Variants in PCDH15 observed in about 807,000 individuals in gnomAD.
PCDH15 encodes protocadherin-15.
Under a neutral mutation model 178.5 loss-of-function variants are expected in PCDH15, and 129 were observed. The observed-to-expected ratio is 0.72, with a 90% confidence interval of 0.63 to 0.84. PCDH15 has a LOEUF of 0.84. PCDH15 is among the 40% of genes least tolerant of loss of function. PCDH15 has a pLI of 0.00. For synonymous variants in PCDH15, 800 were observed against 732.0 expected, an observed-to-expected ratio of 1.09 and a Z score of -1.50; for missense variants, 2,230 against 2,099.9, an observed-to-expected ratio of 1.06 and a Z score of -1.21.
intron 1 of PCDH15, among the ~76,000 whole-genome samples, chr10:55,182,028 T>A (rs1839664474): frequency 6.6e-6 from 1 of 152,076 alleles, no homozygotes; most frequent in East Asian, 1.9e-4. Flanking sequence ...GGTTTCAACA[T>A]GATGAACCGT....
At chr10:55,049,859 T>C (rs970665254) in intron 2 of PCDH15, among the ~76,000 whole-genome samples, 4 of 152,074 alleles carry the variant, frequency 2.6e-5, no homozygotes, top group African/African-American at 9.6e-5. Flanking sequence ...TCTGCTGACA[T>C]GCTTACATTC....
At chr10:55,250,313 T>C (rs535596572) in intron 1 of PCDH15, among the ~76,000 whole-genome samples, 1 of 151,864 alleles carries the variant, frequency 6.6e-6, no homozygotes, top group East Asian at 2.0e-4. Flanking sequence ...CTGGATAATT[T>C]ATTTATTATT....
At chr10:54,353,889 T>G (rs1944547032) in intron 5 of PCDH15, among the ~76,000 whole-genome samples, 1 of 152,194 alleles carries the variant, frequency 6.6e-6, no homozygotes, top group Non-Finnish European at 1.5e-5. Context: ...GAATTATTAC[T>G]GTTACAGAGA....
intron 2 of PCDH15, among the ~76,000 whole-genome samples, chr10:55,002,370 T>C (rs1591829307): frequency 6.6e-6 from 1 of 152,268 alleles, no homozygotes; most frequent in Non-Finnish European, 1.5e-5. Flanking sequence ...CATTTTTTAA[T>C]GATGAGGAAA....
chr10:54,335,275 G>A (rs1480847518), intron 6 of PCDH15, among the ~76,000 whole-genome samples: 1 of 152,174 alleles, frequency 6.6e-6, no homozygotes, highest in Non-Finnish European at 1.5e-5. Context: ...CTGGCTGACA[G>A]ACAAAATGGA....
intron 8 of PCDH15, among the ~76,000 whole-genome samples, chr10:54,256,263 TAAAA>T (rs374490947): frequency 6.6e-6 from 1 of 151,586 alleles, no homozygotes; most frequent in African/African-American, 2.4e-5. Flanking sequence ...GCAGAAAAGA[TAAAA>T]AAAAGCATTT....
At chr10:54,052,530 G>A (rs1309122033) in intron 18 of PCDH15, among the ~76,000 whole-genome samples, 2 of 152,160 alleles carry the variant, frequency 1.3e-5, no homozygotes, top group Non-Finnish European at 2.9e-5. Flanking sequence ...GAATGCATGT[G>A]TTTATCCTAC....
chr10:54,080,624 C>T (rs2094423189), intron 16 of PCDH15, among the ~76,000 whole-genome samples: 1 of 152,030 alleles, frequency 6.6e-6, no homozygotes, highest in African/African-American at 2.4e-5. Flanking sequence ...AGAGTCAAAG[C>T]CGATGAATCA....
At chr10:54,332,816 G>C (rs1194354767) in intron 6 of PCDH15, among the ~76,000 whole-genome samples, 1 of 152,030 alleles carries the variant, frequency 6.6e-6, no homozygotes, top group Admixed American at 6.6e-5. Context: ...AAAAATAATA[G>C]TTATTAGTGA....
chr10:54,701,616 C>T (rs2095309719), intron 1 of PCDH15, among the ~76,000 whole-genome samples: 1 of 151,906 alleles, frequency 6.6e-6, no homozygotes. Flanking sequence ...AAAAATCAAT[C>T]AGACAAACAG....
At chr10:54,028,513 C>T (rs1049055669) in intron 18 of PCDH15, among the ~76,000 whole-genome samples, 7 of 151,890 alleles carry the variant, frequency 4.6e-5, no homozygotes, top group Non-Finnish European at 7.4e-5. Context: ...GCATTATTCA[C>T]GATAGCAAAG....
At chr10:54,006,620 C>G (rs972981966) in intron 20 of PCDH15, among the ~76,000 whole-genome samples, 2 of 152,252 alleles carry the variant, frequency 1.3e-5, no homozygotes, top group South Asian at 4.1e-4. Context: ...ATCAGTAGCA[C>G]GTAACTGCCT....
At position 54,092,548 on chromosome 10, in the gene PCDH15, C is replaced by A. The variant is rs2094616942; in HGVS notation, c.1918-2485G>T. 2.0e-5 allele frequency among the ~76,000 whole-genome samples: 3 copies of A among 151,848 alleles called. No individual in the cohort carries two copies. The South Asian group carries it at 6.2e-4, about 32-fold the overall frequency. ...AGGGTAAAATATTTTTGAAACATCC[C>A]ATGTTAGTCAAAATCCAAAATTTTA... On this transcript the variant is annotated intron_variant, in intron 15 of 37. Coordinates refer to ENST00000644397, the MANE Select transcript of PCDH15 (RefSeq NM_001384140.1).
intron 2 of PCDH15, among the ~76,000 whole-genome samples, chr10:55,576,962 G>A (rs1842508337): frequency 1.3e-5 from 2 of 152,144 alleles, no homozygotes; most frequent in South Asian, 2.1e-4. Flanking sequence ...AGTGTTTTGA[G>A]GCCAGGCATG....
intron 9 of PCDH15, among the ~76,000 whole-genome samples, chr10:54,220,738 T>C (rs2052690122): frequency 1.3e-5 from 2 of 151,442 alleles, no homozygotes; most frequent in Non-Finnish European, 2.9e-5. Flanking sequence ...CGCAGGAGAA[T>C]GGAGTGAACC....
intron 1 of PCDH15, among the ~76,000 whole-genome samples, chr10:54,746,422 G>A (rs1198419372): frequency 6.6e-6 from 1 of 152,116 alleles, no homozygotes; most frequent in Non-Finnish European, 1.5e-5. Context: ...AGTGACTACA[G>A]TCTGCAATAA....
chr10:54,969,462 G>A lies in PCDH15; in HGVS notation c.-79-71962C>T, dbSNP rs1199312262. Among the ~76,000 whole-genome samples, 5 of 152,262 alleles carry A rather than the reference G, an allele frequency of 3.3e-5. No individual in the cohort carries two copies. In the South Asian group the frequency reaches 1.0e-3, roughly 32 times the overall value. ...CTTAGTCCTATGTGAATGTTGAGAT[G>A]ATTTCTCTGTTCTTTTCAGGTTCTT... On this transcript the variant is annotated intron_variant, in intron 2 of 5. Coordinates refer to the PCDH15 transcript ENST00000458638.
At chr10:53,907,886 CTA>C (rs2082791161) in intron 25 of PCDH15, among the ~76,000 whole-genome samples, 1 of 152,166 alleles carries the variant, frequency 6.6e-6, no homozygotes, top group African/African-American at 2.4e-5. Flanking sequence ...CAACTTGACT[CTA>C]TGATTTTTAA....
chr10:54,804,927 T>TTACATATATATATATATATATATATATA (rs1952751251), upstream of PCDH15, among the ~76,000 whole-genome samples: 5 of 50,844 alleles, frequency 9.8e-5, no homozygotes, highest in African/African-American at 3.2e-4. Context: ...TCATAGTAGA[T>TTACATATATATATATATATATATATATA]TATATATATA....
Sources: allele counts gnomAD v4.1 joint callset (sites outside exome capture counted in the v4.1 genomes callset), GRCh38; gene constraint gnomAD v4.1.1; transcripts MANE v1.5; gene names NCBI Gene and HGNC (gene_info 2026-07-23, HGNC 2026-07-21).